The following MYO16 variants were observed in gnomAD, a reference collection of about 807,000 sequenced individuals.
MYO16 encodes unconventional myosin-XVI.
In MYO16, 94 loss-of-function variants were observed where a neutral mutation model predicts 205.3. That is an observed-to-expected ratio of 0.46 (90% CI 0.39 to 0.54). The LOEUF is 0.54. Among genes scored for constraint, MYO16 ranks in the 20% least tolerant of loss-of-function variants. The pLI is 0.00. For missense variants in MYO16, 2,315 were observed against 2,387.5 expected, an observed-to-expected ratio of 0.97 and a Z score of 0.63; for synonymous variants, 988 against 954.0, an observed-to-expected ratio of 1.04 and a Z score of -0.66.
chr13:108,694,500 A>G (rs754228170), intron 2 of MYO16, among the ~76,000 whole-genome samples: 13 of 151,862 alleles, frequency 8.6e-5, no homozygotes, highest in South Asian at 4.1e-4. Flanking sequence ...AGCATCTTTC[A>G]TGTCTTGTTG....
At chr13:108,650,487 C>T (rs1880951818) in intron 1 of MYO16, among the ~76,000 whole-genome samples, 1 of 152,152 alleles carries the variant, frequency 6.6e-6, no homozygotes, top group Admixed American at 6.5e-5. Flanking sequence ...TGAGCTGAGT[C>T]TCTTCCAACC....
At chr13:108,642,928 C>T (rs867649307) in intron 1 of MYO16, among the ~76,000 whole-genome samples, 1 of 152,090 alleles carries the variant, frequency 6.6e-6, no homozygotes, top group African/African-American at 2.4e-5. Flanking sequence ...AACACTTTGC[C>T]TCTTAACTTT....
chr13:108,668,105 A>C (rs1163928083), intron 2 of MYO16, among the ~76,000 whole-genome samples: 2 of 152,238 alleles, frequency 1.3e-5, no homozygotes, highest in Admixed American at 6.5e-5. Context: ...ACAGTGCACC[A>C]TTGTGTTTAG....
At chr13:109,043,696 G>A (rs1886953147) in intron 23 of MYO16, among the ~76,000 whole-genome samples, 1 of 152,172 alleles carries the variant, frequency 6.6e-6, no homozygotes, top group South Asian at 2.1e-4. Context: ...GGATTGAAGG[G>A]AAAATGAGGG....
intron 9 of MYO16, among the ~76,000 whole-genome samples, chr13:108,836,967 A>G (rs1053305493): frequency 2.6e-4 from 39 of 152,006 alleles, no homozygotes; most frequent in African/African-American, 8.9e-4. Context: ...ACTTTGGGGG[A>G]CTGTTGAAAA....
At chr13:109,093,677 G>C (rs277843) in intron 27 of MYO16, among the ~76,000 whole-genome samples, 117,424 of 152,024 alleles carry the variant, frequency 0.77, 45,562 homozygotes, top group Middle Eastern at 0.87. Flanking sequence ...TAGCCACGTT[G>C]ATCCATTCAC....
intron 2 of MYO16, among the ~76,000 whole-genome samples, chr13:108,702,192 A>T (rs1469595383): frequency 6.6e-6 from 1 of 152,188 alleles, no homozygotes; most frequent in Non-Finnish European, 1.5e-5. Flanking sequence ...TAATCTACAC[A>T]TCTAAGAAGC....
chr13:109,126,067 G>A (rs965113540), intron 30 of MYO16, among the ~76,000 whole-genome samples: 1 of 152,160 alleles, frequency 6.6e-6, no homozygotes, highest in African/African-American at 2.4e-5. Context: ...TCAGGGAGAT[G>A]TTTGTTTTGC....
intron 20 of MYO16, among the ~76,000 whole-genome samples, chr13:108,981,798 A>G (rs1487808388): frequency 6.6e-6 from 1 of 152,254 alleles, no homozygotes; most frequent in Non-Finnish European, 1.5e-5. Flanking sequence ...ACTTGCTACA[A>G]GTCTCTAATT....
chr13:108,611,695 GT>G (rs1228316659), intron 1 of MYO16, among the ~76,000 whole-genome samples: 1 of 152,084 alleles, frequency 6.6e-6, no homozygotes, highest in African/African-American at 2.4e-5. Context: ...CAGTCCCACA[GT>G]AGTCCAGTTT....
Position 109,009,030 on chromosome 13 carries a change from T to C in MYO16, c.2576T>C (p.Val859Ala). The change falls in exon 22 of 35, where the codon GTT becomes GCT. Residue 859 changes from valine to alanine, a missense_variant. Val to Ala is a moderately conservative substitution (Grantham distance 64). Transcript: ENST00000457511. Reference protein sequence around the residue: ...TAYSPGNQNGVLDFFFQKPSG... With the variant: ...TAYSPGNQNGALDFFFQKPSG... ...TATTCTCCTGGTAACCAGAATGGAGTTTTGGACTTTTTTTTCCAGGTATTC... is the reference window on the plus strand; with the variant it reads ...TATTCTCCTGGTAACCAGAATGGAGCTTTGGACTTTTTTTTCCAGGTATTC... 1 of 1,591,562 alleles carries C rather than the reference T, an allele frequency of 6.3e-7. No individual in the cohort carries two copies. Among genetic ancestry groups the C allele is most frequent in the Non-Finnish European group, 8.5e-7 (1 of 1,172,866 alleles).
chr13:108,820,689 G>A (rs921630479), intron 8 of MYO16, among the ~76,000 whole-genome samples: 2 of 152,072 alleles, frequency 1.3e-5, no homozygotes, highest in Non-Finnish European at 2.9e-5. Flanking sequence ...AAACTTTCAG[G>A]ATAGTGATTC....
intron 19 of MYO16, 97 bp downstream of exon 19, chr13:108,962,592 A>G (rs1286718504): frequency 9.5e-6 from 8 of 840,652 alleles, no homozygotes; most frequent in South Asian, 1.6e-5. Flanking sequence ...AACTATTTCT[A>G]TGAATTGAAT....
intron 1 of MYO16, among the ~76,000 whole-genome samples, chr13:108,611,047 G>A (rs1879155689): frequency 6.6e-6 from 1 of 152,270 alleles, no homozygotes; most frequent in Admixed American, 6.5e-5. Flanking sequence ...AAAAATTAAA[G>A]ATATCCATTA....
At chr13:108,745,846 TACTAA>T (rs1885043196) in intron 4 of MYO16, among the ~76,000 whole-genome samples, 1 of 152,118 alleles carries the variant, frequency 6.6e-6, no homozygotes, top group African/African-American at 2.4e-5. Context: ...ATGGAAACTC[TACTAA>T]AGAAACCAAA....
At chr13:108,887,713 C>A (rs552448919) in intron 13 of MYO16, among the ~76,000 whole-genome samples, 2 of 152,186 alleles carry the variant, frequency 1.3e-5, no homozygotes, top group East Asian at 3.9e-4. Flanking sequence ...AAAAGGAAAC[C>A]TAAGCAGGTC....
chr13:108,665,970 G>C lies in MYO16; in HGVS notation c.113G>C (p.Arg38Pro). ...CLLESLPLGQ[R>P]QRLVKRMRCE... ...CTAGAGTCCCTTCCCCTTGGCCAAC[G>C]GCAGCGTCTAGTGAAGCGCATGCGC... Residue 38 changes from arginine (R) to proline (P), a missense_variant, in exon 2 of 35, where the codon CGG becomes CCG. Transcript: ENST00000457511. 1 of 1,614,032 alleles carries C rather than the reference G, an allele frequency of 6.2e-7. No individual in the cohort carries two copies. Among genetic ancestry groups the C allele is most frequent in the Non-Finnish European group, 8.5e-7 (1 of 1,179,964 alleles).
At chr13:108,753,377 A>C (rs1455029093) in intron 4 of MYO16, among the ~76,000 whole-genome samples, 4 of 24,416 alleles carry the variant, frequency 1.6e-4, no homozygotes, top group Non-Finnish European at 5.2e-4. Context: ...TGACAAAAAA[A>C]AAAAAAAAAA....
chr13:108,827,031 G>T (rs1876309710), intron 9 of MYO16, among the ~76,000 whole-genome samples: 1 of 152,046 alleles, frequency 6.6e-6, no homozygotes, highest in Non-Finnish European at 1.5e-5. Flanking sequence ...TCTTCTCCTA[G>T]GGGCATTGTT....
Sources: gnomAD v4.1 joint callset for allele counts (sites outside exome capture counted in the v4.1 genomes callset) on GRCh38, gnomAD v4.1.1 for gene constraint, MANE v1.5 for transcripts, NCBI Gene and HGNC (gene_info 2026-07-23, HGNC 2026-07-21) for gene names.